Variants in ECE1 observed in about 807,000 individuals in gnomAD.
The protein encoded by ECE1 is endothelin-converting enzyme 1.
Under a neutral mutation model 98.6 loss-of-function variants are expected in ECE1, and 35 were observed. The observed-to-expected ratio is 0.35, with a 90% CI of 0.27 to 0.47. The LOEUF is 0.47. Ranked by LOEUF, ECE1 falls within the 20% of genes least tolerant of loss-of-function variation. The pLI is 1.00. For missense variants in ECE1, 814 were observed against 1,025.3 expected (o/e 0.79, Z 2.81); for synonymous variants, 394 against 407.1 (o/e 0.97, Z 0.39).
chr1:21,334,615 G>C (rs1021872810), intron 1 of ECE1, among the ~76,000 whole-genome samples: 6 of 152,190 alleles, frequency 3.9e-5, no homozygotes, highest in African/African-American at 1.4e-4. Flanking sequence ...GGTCCCCAGG[G>C]GCTGGGACGG....
At position 21,235,592 on chromosome 1, in the gene ECE1, G is replaced by A. The variant is rs1433913481; in HGVS notation, c.1566+258C>T. Among the ~76,000 whole-genome samples, 1 of 152,198 alleles carries A rather than the reference G, an allele frequency of 6.6e-6. No individual in the cohort carries two copies. The highest frequency in any genetic ancestry group is 1.5e-5 in the Non-Finnish European group (1 of 68,040). On this transcript the variant is annotated intron_variant, in intron 13 of 18. Transcript: ENST00000374893. The surrounding 1 kb of genome is among the most constrained non-coding windows in gnomAD (Gnocchi z 4.2). ...ACCACTTCCAGGGGGCACACAGCACGGGTTCTGTACTGACTGGTGGGCACT... is the reference window on the plus strand; with the variant it reads ...ACCACTTCCAGGGGGCACACAGCACAGGTTCTGTACTGACTGGTGGGCACT...
Position 21,235,816 on chromosome 1 carries a change from A to T in ECE1, c.1566+34T>A. On this transcript the variant is annotated intron_variant, in intron 13 of 18. Transcript: ENST00000374893. The surrounding 1 kb of genome is among the most constrained non-coding windows in gnomAD (Gnocchi z 4.2). Reference sequence around the variant, plus strand: ...TCGGCCCTTTTCTAAGGGGGCATTTAGGAACGCAAGGGGGCAGGGCAGCAG... The same window carrying T: ...TCGGCCCTTTTCTAAGGGGGCATTTTGGAACGCAAGGGGGCAGGGCAGCAG... The T allele has an allele frequency of 6.2e-7, 1 of 1,609,934 alleles. No individual in the cohort carries two copies. The highest frequency in any genetic ancestry group is 8.5e-7 in the Non-Finnish European group (1 of 1,176,200).
In ECE1 at chr1:21,227,890, G is replaced by C; in HGVS notation, c.1781+41C>G. The stretch of plus-strand genomic sequence containing the variant: ...GTCGTATGGGCCCCAGGGCTGGGCT[G>C]GGGGAAAAGAATTGGGGTAGGGGCC... On this transcript the variant is annotated intron_variant, in intron 15 of 18. Coordinates refer to ENST00000374893, the MANE Select transcript of ECE1 (RefSeq NM_001397.3). 2.7e-6 allele frequency: 4 copies of C among 1,495,600 alleles called. No homozygotes were observed. The Admixed American group carries it at 7.9e-5, about 30-fold the overall frequency. The allele number at this position is 1,495,600 out of a possible 1,614,324, so 92.6% of individuals were successfully genotyped here.
rs1033681195 is a variant in ECE1, at chr1:21,225,634, G to C, written c.1850-194C>G. On this transcript the variant is annotated intron_variant, in intron 16 of 18. Coordinates refer to ENST00000374893, the MANE Select transcript of ECE1 (RefSeq NM_001397.3). The surrounding 1 kb of genome is among the most constrained non-coding windows in gnomAD (Gnocchi z 5.3). ...GTCAGAGGCGGGAGAGGATGAAGGA[G>C]AGAAATCGGGAAAAGCTCCAGCGTG... Among the ~76,000 whole-genome samples the C allele has an allele frequency of 1.3e-5, 2 of 152,072 alleles. No individual in the cohort carries two copies. The highest frequency in any genetic ancestry group is 4.8e-5 in the African/African-American group (2 of 41,424).
At chr1:21,330,788 C>G (rs1024627261) in intron 1 of ECE1, among the ~76,000 whole-genome samples, 5 of 152,174 alleles carry the variant, frequency 3.3e-5, no homozygotes, top group African/African-American at 4.8e-5. Context: ...TTCCACACCC[C>G]CTTCCTTGAA....
chr1:21,219,285 A>G lies in ECE1; in HGVS notation c.*670T>C, dbSNP rs6701890. ...CCATGAGCTGGGCCCCCCGCAGAGCAGGCTCCTCTCTCTGCCTGGCCTCCA... is the reference window on the plus strand; with the variant it reads ...CCATGAGCTGGGCCCCCCGCAGAGCGGGCTCCTCTCTCTGCCTGGCCTCCA... On this transcript the variant is annotated 3_prime_UTR_variant, in exon 19 of 19. Coordinates refer to ENST00000374893, the MANE Select transcript of ECE1 (RefSeq NM_001397.3). This position sits in a 1 kb window ranked among gnomAD's most constrained non-coding sequence, Gnocchi z 4.5. 23,096 of 152,764 alleles carry G rather than the reference A, an allele frequency of 0.15. 4,159 individuals are homozygous for G. Among genetic ancestry groups the G allele is most frequent in the African/African-American group, 0.44 (18,102 of 41,534 alleles). 9.5% of individuals were successfully genotyped at this position (152,764 alleles called of 1,614,324 possible).
At chr1:21,228,772 G>C (rs1171432868) in intron 14 of ECE1, among the ~76,000 whole-genome samples, 4 of 150,690 alleles carry the variant, frequency 2.7e-5, no homozygotes. Flanking sequence ...CTGGGTGACA[G>C]AGCAAGGCTA....
chr1:21,325,065 G>A (rs575480583), intron 1 of ECE1, among the ~76,000 whole-genome samples: 2 of 152,324 alleles, frequency 1.3e-5, no homozygotes, highest in African/African-American at 2.4e-5. Flanking sequence ...AAAGAAACAC[G>A]TTACACAATA....
chr1:21,263,573 T>C (rs771876408), intron 4 of ECE1, among the ~76,000 whole-genome samples: 64 of 152,078 alleles, frequency 4.2e-4, no homozygotes, highest in Middle Eastern at 3.4e-3. Flanking sequence ...GCCAGGATGG[T>C]CTCAATCTCT....
At chr1:21,296,343 T>C in intron 1 of ECE1, among the ~76,000 whole-genome samples, 1 of 151,752 alleles carries the variant, frequency 6.6e-6, no homozygotes, top group Non-Finnish European at 1.5e-5. Context: ...ACTTTGTCTC[T>C]ACAAAAAATT....
rs1026487207 is a variant in ECE1 at position 21,298,354 on chromosome 1, C to T, written c.4-8198G>A. On this transcript the variant is annotated intron_variant, in intron 1 of 18. Transcript: ENST00000415912. The stretch of plus-strand genomic sequence containing the variant: ...TCGCAGTGACCCTTCCTCGGTGCTC[C>T]GCGGCAGCATGCTTCTGGCATCTCA... 73 of 208,126 alleles carry T rather than the reference C, an allele frequency of 3.5e-4. 1 individual carries two copies. Among genetic ancestry groups the T allele is most frequent in the Admixed American group, 8.0e-4 (16 of 19,938 alleles). The allele number at this position is 208,126 out of a possible 1,614,324, so 12.9% of individuals were successfully genotyped here. A position where few individuals can be genotyped will look rare whatever the true frequency, so the allele number is the denominator to read the frequency against.
chr1:21,262,460 A>G (rs2098228275), intron 4 of ECE1, among the ~76,000 whole-genome samples: 1 of 152,234 alleles, frequency 6.6e-6, no homozygotes, highest in African/African-American at 2.4e-5. Flanking sequence ...AAGAAAAAGC[A>G]GGAGAATCGT....
Position 21,233,286 on chromosome 1 carries a change from A to G in ECE1, c.1670+272T>C. The G allele has an allele frequency of 2.5e-6, 1 of 407,766 alleles. No homozygotes were observed. The highest frequency in any genetic ancestry group is 4.6e-6 in the Non-Finnish European group (1 of 218,922). 25.3% of individuals were successfully genotyped at this position (407,766 alleles called of 1,614,324 possible). Reference sequence around the variant, plus strand: ...ATCCCAAAGCAGTGGAGCGGAGACAAGGTGCCAGATCGGCTCCGCTCCAGA... The same window carrying G: ...ATCCCAAAGCAGTGGAGCGGAGACAGGGTGCCAGATCGGCTCCGCTCCAGA... On this transcript the variant is annotated intron_variant, in intron 14 of 18. Transcript: ENST00000374893. This position sits in a 1 kb window ranked among gnomAD's most constrained non-coding sequence, Gnocchi z 4.0.
intron 1 of ECE1, among the ~76,000 whole-genome samples, chr1:21,325,529 A>G (rs1164567349): frequency 6.6e-6 from 1 of 152,208 alleles, no homozygotes; most frequent in African/African-American, 2.4e-5. Context: ...TTCAGCCACA[A>G]GCAAAACACA....
Position 21,218,002 on chromosome 1 carries a change from T to C in ECE1, c.*1953A>G, listed in dbSNP as rs1475813510. ...TGCTGAGGCGGGAAAGCGGTGGCTG[T>C]GGAGGGCACGTGCTGCCCCCACCTC... On this transcript the variant is annotated 3_prime_UTR_variant, in exon 19 of 19. Transcript: ENST00000374893. This position sits in a 1 kb window ranked among gnomAD's most constrained non-coding sequence, Gnocchi z 4.0. 6.6e-6 allele frequency: 1 copy of C among 152,468 alleles called. No homozygotes were observed. The highest frequency in any genetic ancestry group is 1.5e-5 in the Non-Finnish European group (1 of 68,394). The allele number at this position is 152,468 out of a possible 1,614,324, so 9.4% of individuals were successfully genotyped here. A position where few individuals can be genotyped will look rare whatever the true frequency, so the allele number is the denominator to read the frequency against.
intron 2 of ECE1, among the ~76,000 whole-genome samples, chr1:21,281,259 C>T (rs1455370740): frequency 6.6e-6 from 1 of 151,804 alleles, no homozygotes; most frequent in Non-Finnish European, 1.5e-5. Flanking sequence ...AGAGACACTT[C>T]CGTGGAGGCC....
At chr1:21,332,776 A>C in intron 1 of ECE1, among the ~76,000 whole-genome samples, 1 of 72,550 alleles carries the variant, frequency 1.4e-5, no homozygotes, top group South Asian at 7.2e-4. Context: ...TTTCAGTCCA[A>C]GGTGACCCTG....
intron 8 of ECE1, among the ~76,000 whole-genome samples, chr1:21,253,696 G>A (rs1415586910): frequency 6.7e-6 from 1 of 149,864 alleles, no homozygotes; most frequent in African/African-American, 2.5e-5. Context: ...CCAGGAGGTG[G>A]AGCTTGCAGA....
chr1:21,241,080 C>A (rs1023265879), intron 10 of ECE1, among the ~76,000 whole-genome samples: 1 of 152,218 alleles, frequency 6.6e-6, no homozygotes, highest in Non-Finnish European at 1.5e-5. Flanking sequence ...CAGCAGTAAT[C>A]ACAGTGAAGT....
Sources: allele counts gnomAD v4.1 joint callset (sites outside exome capture counted in the v4.1 genomes callset), GRCh38; gene constraint gnomAD v4.1.1; non-coding constraint Gnocchi (gnomAD v3.1); transcripts MANE v1.5; gene names NCBI Gene and HGNC (gene_info 2026-07-23, HGNC 2026-07-21).